EBAG9: variants seen among roughly 807,000 people sequenced by gnomAD.
EBAG9 encodes receptor-binding cancer antigen expressed on SiSo cells.
In EBAG9, 16 loss-of-function variants were observed where a neutral mutation model predicts 30.9. That is an observed-to-expected ratio of 0.52 (90% CI 0.35 to 0.79). The LOEUF (loss-of-function observed/expected upper bound fraction) is 0.79, where lower values mean the gene tolerates loss of function less well. Among genes scored for constraint, EBAG9 ranks in the 30% least tolerant of loss-of-function variants. EBAG9 has a pLI of 0.01. For missense variants in EBAG9, 197 were observed against 242.1 expected (o/e 0.81, Z 1.24); for synonymous variants, 93 against 82.8 (o/e 1.12, Z -0.67).
chr8:109,540,641 C>T (rs1243584661), intron 1 of EBAG9, 180 bp downstream of exon 1: 1 of 152,202 alleles, frequency 6.6e-6, no homozygotes, highest in Non-Finnish European at 1.5e-5. Flanking sequence ...ACAGAATGTT[C>T]GATTTTACTA....
intron 2 of EBAG9, among the ~76,000 whole-genome samples, chr8:109,552,975 T>C (rs748688557): frequency 8.5e-5 from 13 of 152,146 alleles, no homozygotes; most frequent in Non-Finnish European, 1.6e-4. Flanking sequence ...CATAAAGGAC[T>C]ATATTACTTT....
intron 5 of EBAG9, among the ~76,000 whole-genome samples, chr8:109,557,541 C>A (rs1821624688): frequency 6.6e-6 from 1 of 152,124 alleles, no homozygotes; most frequent in South Asian, 2.1e-4. Context: ...GCACAAATGT[C>A]CAGACCCCTC....
intron 6 of EBAG9, among the ~76,000 whole-genome samples, chr8:109,562,476 G>A (rs994844592): frequency 6.6e-6 from 1 of 151,980 alleles, no homozygotes; most frequent in Non-Finnish European, 1.5e-5. Flanking sequence ...TACTGCCCCT[G>A]AATAGACATT....
chr8:109,550,836 C>A lies in EBAG9; in HGVS notation c.12C>A (p.Thr4=). The change falls in exon 2 of 7, where the codon ACC becomes ACA. Residue 4 remains threonine (T), a synonymous_variant. Coordinates refer to ENST00000337573, the MANE Select transcript of EBAG9 (RefSeq NM_004215.5). MAI[T]QFRLFKFCTC... is the part of the protein sequence containing the mutation. ...TTTTGATTCCCACCATGGCCATCACCCAGTTTCGGTTATTTAAATTTTGTA... is the reference window on the plus strand; with the variant it reads ...TTTTGATTCCCACCATGGCCATCACACAGTTTCGGTTATTTAAATTTTGTA... The A allele has an allele frequency of 6.2e-7, 1 of 1,602,928 alleles. No individual in the cohort carries two copies. Among genetic ancestry groups the A allele is most frequent in the South Asian group, 1.1e-5 (1 of 89,596 alleles).
intron 1 of EBAG9, among the ~76,000 whole-genome samples, chr8:109,541,478 T>A (rs747241855): frequency 2.6e-5 from 4 of 152,190 alleles, no homozygotes; most frequent in African/African-American, 7.2e-5. Context: ...AAAACCTACC[T>A]CTTTTGGTTG....
intron 1 of EBAG9, among the ~76,000 whole-genome samples, chr8:109,543,135 C>CTTTTTTTTTTTTTT (rs557388998): frequency 7.6e-5 from 4 of 52,854 alleles, no homozygotes; most frequent in African/African-American, 1.6e-4. Flanking sequence ...TATTCTGGTT[C>CTTTTTTTTTTTTTT]TTTTTTTTTT....
intron 5 of EBAG9, among the ~76,000 whole-genome samples, chr8:109,559,282 T>A (rs1337410189): frequency 6.6e-6 from 1 of 151,560 alleles, no homozygotes; most frequent in Non-Finnish European, 1.5e-5. Flanking sequence ...CATGGCGAAA[T>A]CCCCCCTCTA....
At chr8:109,553,487 A>T in intron 2 of EBAG9, among the ~76,000 whole-genome samples, 1 of 152,208 alleles carries the variant, frequency 6.6e-6, no homozygotes, top group Non-Finnish European at 1.5e-5. Context: ...AAAACATAAA[A>T]GCCAAGCCAC....
At chr8:109,539,887 C>T (rs1263630228), upstream of EBAG9, 4 of 152,168 alleles carry the variant, frequency 2.6e-5, no homozygotes, top group Admixed American at 2.0e-4. Flanking sequence ...AGCTCGGAGC[C>T]TCCGCCGGGC....
intron 1 of EBAG9, among the ~76,000 whole-genome samples, chr8:109,545,246 C>G (rs186250234): frequency 7.2e-6 from 1 of 139,470 alleles, no homozygotes; most frequent in Non-Finnish European, 1.5e-5. Context: ...TGCTTGAACC[C>G]GGGAAGCGGA....
intron 6 of EBAG9, chr8:109,563,326 C>A: frequency 6.5e-7 from 1 of 1,542,838 alleles, no homozygotes; most frequent in Non-Finnish European, 8.7e-7. Flanking sequence ...ATTCCATGCC[C>A]AATTGTGACC....
intron 2 of EBAG9, 143 bp from the exon 3 acceptor site, chr8:109,553,722 T>C (rs1483670207): frequency 1.6e-6 from 1 of 607,148 alleles, no homozygotes; most frequent in Non-Finnish European, 2.7e-6. Flanking sequence ...TACCATAAAT[T>C]AGTGAGTAAC....
intron 1 of EBAG9, among the ~76,000 whole-genome samples, chr8:109,548,203 A>T (rs888207399): frequency 6.6e-6 from 1 of 152,112 alleles, no homozygotes; most frequent in Non-Finnish European, 1.5e-5. Context: ...GATTTTTTCC[A>T]TATGGATATG....
In EBAG9 at chr8:109,550,854, A is replaced by G. The variant is rs780192107; in HGVS notation, c.30A>G (p.Lys10=). The G allele has an allele frequency of 3.1e-6, 5 of 1,604,238 alleles. No homozygotes were observed. The highest frequency in any genetic ancestry group is 3.4e-5 in the Admixed American group (2 of 59,408). Residue 10 remains lysine, a synonymous_variant, in exon 2 of 7, where the codon AAA becomes AAG. Coordinates refer to ENST00000337573, the MANE Select transcript of EBAG9 (RefSeq NM_004215.5). ...CCATCACCCAGTTTCGGTTATTTAAATTTTGTACCTGCCTAGCAACAGTAT... is the reference window on the plus strand; with the variant it reads ...CCATCACCCAGTTTCGGTTATTTAAGTTTTGTACCTGCCTAGCAACAGTAT... The part of the protein sequence containing the change: MAITQFRLF[K]FCTCLATVFS...
At chr8:109,550,709 AT>A (rs1821475752) in intron 1 of EBAG9, 100 bp from the exon 2 acceptor site, 7 of 674,498 alleles carry the variant, frequency 1.0e-5, no homozygotes, top group South Asian at 8.9e-5. Flanking sequence ...AAGGTAAAAA[AT>A]ATCTTAGATT....
At chr8:109,562,471 C>T (rs1821730220) in intron 6 of EBAG9, among the ~76,000 whole-genome samples, 2 of 151,948 alleles carry the variant, frequency 1.3e-5, no homozygotes, top group African/African-American at 2.4e-5. Flanking sequence ...ATTGTTACTG[C>T]CCCTGAATAG....
chr8:109,554,666 C>A, intron 3 of EBAG9, 63 bp from the exon 4 acceptor site: 2 of 1,481,558 alleles, frequency 1.3e-6, no homozygotes, highest in South Asian at 2.7e-5. Flanking sequence ...TCTAATAAAT[C>A]ATCAATGATG....
chr8:109,543,860 G>A (rs1458725070), intron 1 of EBAG9, among the ~76,000 whole-genome samples: 3 of 151,844 alleles, frequency 2.0e-5, no homozygotes, highest in East Asian at 3.9e-4. Flanking sequence ...GCGAAACCCC[G>A]TCTCTAGTAA....
At chr8:109,547,049 C>T (rs182887434) in intron 1 of EBAG9, among the ~76,000 whole-genome samples, 6 of 151,548 alleles carry the variant, frequency 4.0e-5, no homozygotes, top group East Asian at 1.9e-4. Context: ...TTTTTTGAGA[C>T]GGAGTCCTGC....
Sources: allele counts gnomAD v4.1 joint callset (sites outside exome capture counted in the v4.1 genomes callset), GRCh38; gene constraint gnomAD v4.1.1; transcripts MANE v1.5; gene names NCBI Gene and HGNC (gene_info 2026-07-23, HGNC 2026-07-21).